USP36: variants seen among roughly 807,000 people sequenced by gnomAD.
USP36 encodes the protein ubiquitin carboxyl-terminal hydrolase 36.
A neutral mutation model predicts 111.5 loss-of-function variants in USP36; 59 were observed. That is an observed-to-expected ratio of 0.53 (90% confidence interval 0.43 to 0.66). USP36 has a LOEUF of 0.66. Among genes scored for constraint, USP36 ranks in the 30% least tolerant of loss-of-function variants. The pLI is 0.00. For missense variants in USP36, 1,488 were observed against 1,468.0 expected (o/e 1.01, Z -0.22); for synonymous variants, 628 against 581.0 (o/e 1.08, Z -1.16).
At chr17:78,799,532 T>C (rs2144926704) in intron 18 of USP36, 135 bp downstream of exon 18, 1 of 765,192 alleles carries the variant, frequency 1.3e-6, no homozygotes, top group East Asian at 2.9e-5. Flanking sequence ...AGTGTTGAGA[T>C]TCCTCTTCCC....
intron 6 of USP36, among the ~76,000 whole-genome samples, chr17:78,822,339 A>G (rs2094349477): frequency 6.6e-6 from 1 of 152,092 alleles, no homozygotes; most frequent in Non-Finnish European, 1.5e-5. Context: ...TTTTGGTCTC[A>G]ATAAAAAGTA....
downstream of USP36, among the ~76,000 whole-genome samples, chr17:78,792,542 T>C (rs891802950): frequency 2.0e-5 from 3 of 152,170 alleles, no homozygotes; most frequent in African/African-American, 7.2e-5. Flanking sequence ...CTATTGGACA[T>C]GCACATTCTC....
chr17:78,791,066 AT>A (rs2144830812), downstream of USP36, among the ~76,000 whole-genome samples: 1 of 151,986 alleles, frequency 6.6e-6, no homozygotes. Context: ...AGAAAAGCAA[AT>A]TCATGATGCT....
intron 17 of USP36, among the ~76,000 whole-genome samples, chr17:78,800,325 A>C (rs2093709651): frequency 6.6e-6 from 1 of 152,134 alleles, no homozygotes; most frequent in African/African-American, 2.4e-5. Flanking sequence ...TGCTGCCATC[A>C]GGGGCCCGAC....
At chr17:78,800,241 G>A (rs533477210) in intron 17 of USP36, among the ~76,000 whole-genome samples, 250 of 152,224 alleles carry the variant, frequency 1.6e-3, no homozygotes, top group African/African-American at 5.3e-3. Flanking sequence ...CCTCACCTAC[G>A]GGAGAGGCCC....
chr17:78,838,383 A>C (rs1038946752), intron 2 of USP36, among the ~76,000 whole-genome samples: 4 of 151,452 alleles, frequency 2.6e-5, no homozygotes, highest in African/African-American at 9.7e-5. Flanking sequence ...AAAAAAAAAA[A>C]AAACAAAAAA....
rs375335141 is a variant in USP36 at position 78,807,465 on chromosome 17, T to G, written c.1579A>C (p.Thr527Pro). ...KLSQTPTHMP[T>P]ILDDPGKKVK... is the part of the protein sequence containing the mutation. ...TTCTTTCCAGGGTCGTCTAGGATGGTTGGCATGTGTGTGGGTGTCTGGGAG... is the reference window on the plus strand; with the variant it reads ...TTCTTTCCAGGGTCGTCTAGGATGGGTGGCATGTGTGTGGGTGTCTGGGAG... The change falls in exon 14 of 21, where the codon ACC (threonine) becomes CCC (proline). Residue 527 changes from threonine (T) to proline (P), a missense_variant. Around this residue, in one of 3 missense-constraint regions of USP36, gnomAD observed 1,073 missense variants for 994.1 expected, o/e 1.08. Transcript: ENST00000449938. 2 of 1,613,862 alleles carry G rather than the reference T, an allele frequency of 1.2e-6. No individual in the cohort carries two copies.
chr17:78,809,882 T>C (rs2145174673), intron 13 of USP36, among the ~76,000 whole-genome samples: 1 of 152,012 alleles, frequency 6.6e-6, no homozygotes, highest in East Asian at 1.9e-4. Context: ...AGTCCCGCTC[T>C]GTCACCCAGG....
chr17:78,821,405 TATATATA>T (rs1567952455), intron 7 of USP36: 9 of 59,624 alleles, frequency 1.5e-4, no homozygotes, highest in African/African-American at 7.9e-4. Context: ...TATATATATA[TATATATA>T]TATATATATT....
chr17:78,790,298 C>CT lies in USP36; in HGVS notation c.*21-2641dup, dbSNP rs201824672. ...GGAGATATGGTTTCTTTTTCTTTTT[C>CT]TTTTTTTTTAAAGACAGAGTCTCAC... On this transcript the variant is annotated intron_variant, in intron 3 of 3. Transcript: ENST00000588130. Among the ~76,000 whole-genome samples, 104 of 149,936 alleles carry CT rather than the reference C, an allele frequency of 6.9e-4. 3 individuals carry two copies. In the East Asian group the frequency reaches 0.018, roughly 26 times the overall value.
At chr17:78,826,552 A>G (rs913415780) in intron 6 of USP36, 2 of 152,892 alleles carry the variant, frequency 1.3e-5, no homozygotes, top group African/African-American at 4.8e-5. Context: ...CAACTTCTCT[A>G]AAGAACATTC....
Position 78,798,190 on chromosome 17 carries a change from T to TA in USP36, c.*20+209dup, listed in dbSNP as rs1412396708. On this transcript the variant is annotated intron_variant, in intron 20 of 20. Coordinates refer to ENST00000449938, the MANE Select transcript of USP36 (RefSeq NM_001385174.1). The surrounding 1 kb of genome is among the most constrained non-coding windows in gnomAD (Gnocchi z 5.1). ...CACACGCATCCCACACACACCCCCT[T>TA]ATACACACGCATCCCACACACACCC... 3.4e-6 allele frequency: 2 copies of TA among 583,446 alleles called. No homozygotes were observed. The highest frequency in any genetic ancestry group is 4.0e-5 in the African/African-American group (2 of 49,892). 36.1% of individuals were successfully genotyped at this position (583,446 alleles called of 1,614,324 possible).
intron 4 of USP36, among the ~76,000 whole-genome samples, chr17:78,834,700 C>G (rs943365986): frequency 7.2e-5 from 11 of 152,110 alleles, no homozygotes; most frequent in African/African-American, 2.7e-4. Context: ...ACCTCTGCCT[C>G]CCACAGGTGT....
rs146823862 is a variant in USP36 at position 78,834,108 on chromosome 17, G to A, written c.475+1172C>T. Among the ~76,000 whole-genome samples the A allele has an allele frequency of 4.0e-3, 615 of 152,076 alleles. 2 individuals carry two copies. The highest frequency in any genetic ancestry group is 7.0e-3 in the Non-Finnish European group (478 of 67,996). On this transcript the variant is annotated intron_variant, in intron 4 of 20. Coordinates refer to ENST00000449938, the MANE Select transcript of USP36 (RefSeq NM_001385174.1). ...CTAAAAATACAAAAATTAGCCAGGC[G>A]TGGTGGCGTGCGTCTATAGTCCCAG...
chr17:78,794,867 C>T (rs988652137), downstream of USP36, among the ~76,000 whole-genome samples: 5 of 151,858 alleles, frequency 3.3e-5, no homozygotes, highest in Non-Finnish European at 4.4e-5. Flanking sequence ...ATTAGTCAGG[C>T]GTGGTGATGC....
chr17:78,819,256 T>C (rs1219705159), intron 9 of USP36, among the ~76,000 whole-genome samples: 1 of 152,172 alleles, frequency 6.6e-6, no homozygotes, highest in African/African-American at 2.4e-5. Flanking sequence ...AATATATTCT[T>C]TAGTGCCTAC....
At chr17:78,790,908 G>T (rs2093577902), downstream of USP36, among the ~76,000 whole-genome samples, 1 of 152,122 alleles carries the variant, frequency 6.6e-6, no homozygotes, top group Non-Finnish European at 1.5e-5. Flanking sequence ...ATATTTGGCA[G>T]CCATGTCCTG....
At chr17:78,833,131 G>A (rs2068301499) in intron 4 of USP36, among the ~76,000 whole-genome samples, 1 of 152,034 alleles carries the variant, frequency 6.6e-6, no homozygotes. Flanking sequence ...CTGGGCGACA[G>A]AACGAGACTC....
chr17:78,814,109 C>T (rs2094128623), intron 11 of USP36, among the ~76,000 whole-genome samples: 2 of 152,156 alleles, frequency 1.3e-5, no homozygotes, highest in Non-Finnish European at 2.9e-5. Flanking sequence ...GGAACTGTCC[C>T]TTCTAAAGGA....
Sources: gnomAD v4.1 joint callset for allele counts (sites outside exome capture counted in the v4.1 genomes callset) on GRCh38, gnomAD v4.1.1 for gene constraint, gnomAD v4.1.1 regional missense constraint, Gnocchi (gnomAD v3.1) non-coding constraint, MANE v1.5 for transcripts, NCBI Gene and HGNC (gene_info 2026-07-23, HGNC 2026-07-21) for gene names.